Variants in SCN4B observed in about 807,000 individuals in gnomAD.
The protein encoded by SCN4B is sodium voltage-gated channel beta subunit 4.
A neutral mutation model predicts 19.6 loss-of-function variants in SCN4B; 20 were observed. The ratio of observed to expected loss-of-function variants is 1.02; its 90% confidence interval spans 0.72 to 1.48. The LOEUF is 1.48. Among genes scored for constraint, SCN4B ranks in the 40% most tolerant of loss-of-function variants. The pLI is 0.00. For synonymous variants in SCN4B, 127 were observed against 122.8 expected (o/e 1.03, Z -0.22); for missense variants, 271 against 287.5 (o/e 0.94, Z 0.42).
Position 118,152,721 on chromosome 11 carries a change from G to A in SCN4B, c.-48C>T. On this transcript the variant is annotated 5_prime_UTR_variant, in exon 1 of 5. Transcript: ENST00000324727. ...GCGGGGGTCGCGGGGATGGGATACT[G>A]GGCACAGCCGCGCTCTCCGCCCGAG... is the stretch of plus-strand genomic sequence containing the variant. 2.0e-6 allele frequency: 3 copies of A among 1,466,874 alleles called. No homozygotes were observed. Among genetic ancestry groups the A allele is most frequent in the Non-Finnish European group, 2.8e-6 (3 of 1,069,500 alleles). 90.9% of individuals were successfully genotyped at this position (1,466,874 alleles called of 1,614,324 possible). A position where few individuals can be genotyped will look rare whatever the true frequency, so the allele number is the denominator to read the frequency against.
chr11:118,144,074 G>A lies in SCN4B; in HGVS notation c.235-13C>T, dbSNP rs757744201. 5.9e-5 allele frequency: 93 copies of A among 1,574,332 alleles called. No homozygotes were observed. The highest frequency in any genetic ancestry group is 7.8e-5 in the Non-Finnish European group (89 of 1,144,408). ...TCCCCTCTATGAGCTGGTGGAGGAA[G>A]GGAGTTGGGGTGAGAAAGTAGCCGA... is the stretch of plus-strand genomic sequence containing the variant. On this transcript the variant is annotated splice_polypyrimidine_tract_variant and intron_variant, in intron 2 of 4. Transcript: ENST00000324727.
At chr11:118,139,117 C>T (rs117491260) in intron 4 of SCN4B, among the ~76,000 whole-genome samples, 2,097 of 152,278 alleles carry the variant, frequency 0.014, 98 homozygotes, top group Admixed American at 0.072. Flanking sequence ...ATCACAGCCT[C>T]GACTCCCAGG....
At position 118,144,081 on chromosome 11, in the gene SCN4B, G is replaced by C. The variant is rs780599096; in HGVS notation, c.235-20C>G. On this transcript the variant is annotated intron_variant, in intron 2 of 4. Coordinates refer to ENST00000324727, the MANE Select transcript of SCN4B (RefSeq NM_174934.4). ...TATGAGCTGGTGGAGGAAGGGAGTTGGGGTGAGAAAGTAGCCGAGAAAGAA... is the reference window on the plus strand; with the variant it reads ...TATGAGCTGGTGGAGGAAGGGAGTTCGGGTGAGAAAGTAGCCGAGAAAGAA... The C allele has an allele frequency of 1.3e-6, 2 of 1,554,996 alleles. No individual in the cohort carries two copies. The highest frequency in any genetic ancestry group is 1.4e-5 in the African/African-American group (1 of 73,642).
chr11:118,144,590 A>G (rs1252243867), intron 2 of SCN4B, among the ~76,000 whole-genome samples: 1 of 151,998 alleles, frequency 6.6e-6, no homozygotes, highest in Non-Finnish European at 1.5e-5. Flanking sequence ...AGTGAGTACA[A>G]TCTAGTGAGT....
intron 1 of SCN4B, chr11:118,145,575 C>G (rs921124353): frequency 5.0e-6 from 4 of 803,354 alleles, no homozygotes; most frequent in Admixed American, 3.5e-5. Flanking sequence ...TGCCTGGAAG[C>G]GCTCCTGCCG....
At chr11:118,141,559 C>G (rs554241095) in intron 3 of SCN4B, 10 of 594,196 alleles carry the variant, frequency 1.7e-5, no homozygotes, top group Admixed American at 5.8e-5. Context: ...CCCTCTCCCC[C>G]ACCCTGCACA....
In SCN4B at chr11:118,144,497, G is replaced by A. The variant is rs187087131; in HGVS notation, c.235-436C>T. Reference sequence around the variant, plus strand: ...AGCTCTGCCCGTCAGCACCCTCTGAGGTCAGCATTTAATTATAACCAGAGT... The same window carrying A: ...AGCTCTGCCCGTCAGCACCCTCTGAAGTCAGCATTTAATTATAACCAGAGT... On this transcript the variant is annotated intron_variant, in intron 2 of 4. Transcript: ENST00000324727. Among the ~76,000 whole-genome samples the A allele has an allele frequency of 1.2e-3, 180 of 152,194 alleles. 3 individuals are homozygous for A. Among genetic ancestry groups the A allele is most frequent in the Middle Eastern group, 3.4e-3 (1 of 292 alleles).
chr11:118,138,319 G>A (rs1948050447), intron 4 of SCN4B, among the ~76,000 whole-genome samples: 1 of 152,164 alleles, frequency 6.6e-6, no homozygotes, highest in Non-Finnish European at 1.5e-5. Flanking sequence ...CCTAGCTCCA[G>A]CCTATCAAGA....
chr11:118,135,451 A>G lies in SCN4B; in HGVS notation c.*1576T>C, dbSNP rs1457201120. On this transcript the variant is annotated 3_prime_UTR_variant, in exon 5 of 5. Coordinates refer to ENST00000324727, the MANE Select transcript of SCN4B (RefSeq NM_174934.4). ...GAAGACAGGGCATCAAAAAATCAGTAAGGGAGAGAGGGATTGGAAGTAGAT... is the reference window on the plus strand; with the variant it reads ...GAAGACAGGGCATCAAAAAATCAGTGAGGGAGAGAGGGATTGGAAGTAGAT... 2 of 454,112 alleles carry G rather than the reference A, an allele frequency of 4.4e-6. No homozygotes were observed. Among genetic ancestry groups the G allele is most frequent in the Non-Finnish European group, 4.4e-6 (1 of 226,784 alleles). 28.1% of individuals were successfully genotyped at this position (454,112 alleles called of 1,614,324 possible).
chr11:118,147,180 G>A (rs1298430485), intron 1 of SCN4B, among the ~76,000 whole-genome samples: 2 of 152,188 alleles, frequency 1.3e-5, no homozygotes, highest in African/African-American at 2.4e-5. Context: ...TACTAACTAC[G>A]ACTTTTATTA....
Position 118,136,225 on chromosome 11 carries a change from C to A in SCN4B, c.*802G>T, listed in dbSNP as rs1483472972. On this transcript the variant is annotated 3_prime_UTR_variant, in exon 5 of 5. Coordinates refer to ENST00000324727, the MANE Select transcript of SCN4B (RefSeq NM_174934.4). Reference sequence around the variant, plus strand: ...AGAGGCCCAGGACACTGGCTCACTACCTCTGTGGCCCAATTCCCCAAGTAG... The same window carrying A: ...AGAGGCCCAGGACACTGGCTCACTAACTCTGTGGCCCAATTCCCCAAGTAG... The A allele has an allele frequency of 2.2e-6, 1 of 453,656 alleles. No homozygotes were observed. Among genetic ancestry groups the A allele is most frequent in the Non-Finnish European group, 4.4e-6 (1 of 226,716 alleles). The allele number at this position is 453,656 out of a possible 1,614,324, so 28.1% of individuals were successfully genotyped here.
intron 4 of SCN4B, among the ~76,000 whole-genome samples, chr11:118,138,977 G>A (rs945188088): frequency 4.6e-5 from 7 of 151,924 alleles, no homozygotes; most frequent in Non-Finnish European, 7.4e-5. Flanking sequence ...GCTTCCCTAC[G>A]GTCTGTCCCC....
At position 118,143,988 on chromosome 11, in the gene SCN4B, A is replaced by G. The variant is rs1948135119; in HGVS notation, c.308T>C (p.Leu103Pro). The G allele has an allele frequency of 6.2e-7, 1 of 1,614,178 alleles. No individual in the cohort carries two copies. The highest frequency in any genetic ancestry group is 1.1e-5 in the South Asian group (1 of 91,086). Residue 103 changes from leucine to proline, a missense_variant, in exon 3 of 5, where the codon CTG becomes CCG. Leu to Pro is a moderately conservative substitution (Grantham distance 98). Coordinates refer to ENST00000324727, the MANE Select transcript of SCN4B (RefSeq NM_174934.4). ...CATCTTCTCCTTAGTAGAGCCTACC[A>G]GAGTGATGCGGTCATCGTCTTTCAA... Reference protein sequence around the residue: ...VTLKDDDRITLVGSTKEKMNN... With the variant: ...VTLKDDDRITPVGSTKEKMNN...
chr11:118,141,272 G>A lies in SCN4B; in HGVS notation c.528C>T (p.Leu176=). 6.2e-7 allele frequency: 1 copy of A among 1,612,754 alleles called. No individual in the cohort carries two copies. Among genetic ancestry groups the A allele is most frequent in the South Asian group, 1.1e-5 (1 of 91,004 alleles). ...TCTTGATCAGCAGGATGAGGATGAG[G>A]AGCCCGATGACCCCGCCCACGACAG... The part of the protein sequence containing the change: ...ILAVVGGVIG[L]LILILLIKKL... Residue 176 remains leucine (L), a synonymous_variant, in exon 4 of 5, where the codon CTC becomes CTT. Coordinates refer to ENST00000324727, the MANE Select transcript of SCN4B (RefSeq NM_174934.4).
intron 1 of SCN4B, among the ~76,000 whole-genome samples, chr11:118,146,217 C>G (rs1489212579): frequency 6.6e-6 from 1 of 152,202 alleles, no homozygotes; most frequent in African/African-American, 2.4e-5. Flanking sequence ...CCGATGCGGC[C>G]CCCTCCGCTG....
chr11:118,143,956 T>C lies in SCN4B; in HGVS notation c.340A>G (p.Ile114Val), dbSNP rs757688715. 6 of 1,614,056 alleles carry C rather than the reference T, an allele frequency of 3.7e-6. No individual in the cohort carries two copies. The South Asian group carries it at 6.6e-5, about 18-fold the overall frequency. The change falls in exon 3 of 5, where the codon ATT (isoleucine) becomes GTT (valine). Residue 114 changes from isoleucine to valine, a missense_variant. Physicochemically the swap from Ile to Val is conservative, Grantham distance 29. Transcript: ENST00000324727. Reference sequence around the variant, plus strand: ...TCCAGGTCCCTCAGCACAATGGAAATGTTGTTCATCTTCTCCTTAGTAGAG... The same window carrying C: ...TCCAGGTCCCTCAGCACAATGGAAACGTTGTTCATCTTCTCCTTAGTAGAG... ...VGSTKEKMNN[I>V]SIVLRDLEFS...
intron 4 of SCN4B, among the ~76,000 whole-genome samples, chr11:118,140,475 T>G (rs1020171499): frequency 6.6e-5 from 10 of 152,242 alleles, no homozygotes; most frequent in African/African-American, 2.4e-4. Flanking sequence ...TCACCCTCTC[T>G]GTTCCAATGG....
Position 118,152,710 on chromosome 11 carries a change from G to T in SCN4B, c.-37C>A. 1 of 1,552,262 alleles carries T rather than the reference G, an allele frequency of 6.4e-7. No homozygotes were observed. The highest frequency in any genetic ancestry group is 8.8e-7 in the Non-Finnish European group (1 of 1,134,114). ...CTCCGGAGCGCGCGGGGGTCGCGGG[G>T]ATGGGATACTGGGCACAGCCGCGCT... On this transcript the variant is annotated 5_prime_UTR_variant, in exon 1 of 5. Transcript: ENST00000324727.
rs955120859 is a variant in SCN4B at position 118,152,800 on chromosome 11, C to G, written c.-127G>C. ...GAGCTCTGCGCCGCCGGTCGGGGCT[C>G]GGGAAAGTTAGCGGGCAGAGAGCGA... On this transcript the variant is annotated 5_prime_UTR_variant, in exon 1 of 5. Coordinates refer to ENST00000324727, the MANE Select transcript of SCN4B (RefSeq NM_174934.4). 8 of 546,726 alleles carry G rather than the reference C, an allele frequency of 1.5e-5. No individual in the cohort carries two copies. In the African/African-American group the frequency reaches 1.6e-4, roughly 11 times the overall value. The allele number at this position is 546,726 out of a possible 1,614,324, so 33.9% of individuals were successfully genotyped here.
Sources: allele counts gnomAD v4.1 joint callset (sites outside exome capture counted in the v4.1 genomes callset), GRCh38; gene constraint gnomAD v4.1.1; transcripts MANE v1.5; gene names NCBI Gene and HGNC (gene_info 2026-07-23, HGNC 2026-07-21).